ATXN1: variants seen among roughly 807,000 people sequenced by gnomAD.
ATXN1 encodes ataxin-1.
In ATXN1, 8 loss-of-function variants were observed where a neutral mutation model predicts 56.4. The observed-to-expected ratio is 0.14, with a 90% CI of 0.08 to 0.26. The LOEUF (loss-of-function observed/expected upper bound fraction) is 0.26, where lower values mean the gene tolerates loss of function less well. Ranked by LOEUF, ATXN1 falls within the 10% of genes least tolerant of loss-of-function variation. The pLI, the probability that ATXN1 is intolerant of heterozygous loss-of-function variation, is 1.00. For synonymous variants in ATXN1, 514 were observed against 494.6 expected (o/e 1.04, Z -0.52); for missense variants, 987 against 1,106.5 (o/e 0.89, Z 1.53).
chr6:16,449,498 T>C (rs927709169), intron 6 of ATXN1, among the ~76,000 whole-genome samples: 2 of 152,102 alleles, frequency 1.3e-5, no homozygotes, highest in Non-Finnish European at 2.9e-5. Context: ...AGTTTCTTCT[T>C]CTTCTTGTTT....
At chr6:16,557,242 G>A (rs954831282) in intron 4 of ATXN1, among the ~76,000 whole-genome samples, 2 of 150,336 alleles carry the variant, frequency 1.3e-5, no homozygotes, top group South Asian at 2.1e-4. Context: ...CACAAGAATC[G>A]CTTGAACCTG....
At chr6:16,630,409 T>A (rs1021375370) in intron 3 of ATXN1, among the ~76,000 whole-genome samples, 2 of 152,150 alleles carry the variant, frequency 1.3e-5, no homozygotes, top group Non-Finnish European at 2.9e-5. Context: ...AGGGCCTAAG[T>A]GAGTGGATGA....
rs142162538 is a variant in ATXN1 at position 16,458,830 on chromosome 6, C to T, written c.-161+27142G>A. Among the ~76,000 whole-genome samples the T allele has an allele frequency of 6.1e-3, 931 of 152,342 alleles. 10 individuals are homozygous for T. Among genetic ancestry groups the T allele is most frequent in the East Asian group, 0.036 (185 of 5,184 alleles). ...ACTGCCCCAGAGGACAAAGGTTCTC[C>T]GGGCCAGAAGCCCCCAACCAGATGA... On this transcript the variant is annotated intron_variant, in intron 6 of 7. Coordinates refer to ENST00000436367, the MANE Select transcript of ATXN1 (RefSeq NM_001128164.2).
rs543987836 is a variant in ATXN1 at position 16,735,793 on chromosome 6, A to G, written c.-615+17440T>C. ...AGCTGAGATCGTGCCATTGCACTCCAGCCCAGGCAACAGTGCGAGACTCCA... is the reference window on the plus strand; with the variant it reads ...AGCTGAGATCGTGCCATTGCACTCCGGCCCAGGCAACAGTGCGAGACTCCA... On this transcript the variant is annotated intron_variant, in intron 2 of 7. Coordinates refer to ENST00000436367, the MANE Select transcript of ATXN1 (RefSeq NM_001128164.2). Among the ~76,000 whole-genome samples, 66 of 152,342 alleles carry G rather than the reference A, an allele frequency of 4.3e-4. 2 individuals are homozygous for G. In the South Asian group the frequency reaches 0.014, roughly 32 times the overall value.
chr6:16,314,792 G>A (rs183863305), intron 7 of ATXN1, among the ~76,000 whole-genome samples: 46 of 152,098 alleles, frequency 3.0e-4, no homozygotes, highest in African/African-American at 1.0e-3. Context: ...TGTATGTTTA[G>A]TAGAGACGGG....
At chr6:16,319,764 AAAC>A (rs1312614154) in intron 7 of ATXN1, among the ~76,000 whole-genome samples, 2 of 152,232 alleles carry the variant, frequency 1.3e-5, no homozygotes, top group Non-Finnish European at 2.9e-5. Flanking sequence ...TAAATGCTAT[AAAC>A]AACAACAGTC....
Position 16,299,356 on chromosome 6 carries a change from T to G in ATXN1, c.*6973A>C, listed in dbSNP as rs1760024171. On this transcript the variant is annotated 3_prime_UTR_variant, in exon 8 of 8. Coordinates refer to ENST00000436367, the MANE Select transcript of ATXN1 (RefSeq NM_001128164.2). ...CACACCACGATTAGAAAATAGAATATGAATTCTTCCATTTTTTAATATTTG... is the reference window on the plus strand; with the variant it reads ...CACACCACGATTAGAAAATAGAATAGGAATTCTTCCATTTTTTAATATTTG... The G allele has an allele frequency of 6.6e-6, 1 of 152,620 alleles. No homozygotes were observed. The highest frequency in any genetic ancestry group is 1.5e-5 in the Non-Finnish European group (1 of 68,038). The allele number at this position is 152,620 out of a possible 1,614,324, so 9.5% of individuals were successfully genotyped here. A position where few individuals can be genotyped will look rare whatever the true frequency, so the allele number is the denominator to read the frequency against.
intron 5 of ATXN1, among the ~76,000 whole-genome samples, chr6:16,499,165 T>G (rs1321503665): frequency 6.6e-6 from 1 of 152,186 alleles, no homozygotes; most frequent in Non-Finnish European, 1.5e-5. Context: ...CATTTTTAGT[T>G]CATTTTTGTA....
At chr6:16,474,979 T>G (rs769698628) in intron 6 of ATXN1, among the ~76,000 whole-genome samples, 11 of 152,210 alleles carry the variant, frequency 7.2e-5, no homozygotes, top group Non-Finnish European at 1.3e-4. Context: ...TGTTTTTACC[T>G]ATCACCACCT....
rs1258340048 is a variant in ATXN1, at chr6:16,306,742, C to T, written c.2035G>A (p.Gly679Arg). The T allele has an allele frequency of 1.2e-6, 2 of 1,614,062 alleles. No individual in the cohort carries two copies. Among genetic ancestry groups the T allele is most frequent in the Non-Finnish European group, 1.7e-6 (2 of 1,179,978 alleles). The change falls in exon 8 of 8, where the codon GGG (glycine) becomes AGG (arginine). Residue 679 changes from glycine to arginine, a missense_variant. Gly to Arg is a moderately radical substitution (Grantham distance 125). Around this residue, in one of 3 missense-constraint regions of ATXN1, gnomAD observed 196 missense variants for 196.7 expected, o/e 1.00. Coordinates refer to ENST00000436367, the MANE Select transcript of ATXN1 (RefSeq NM_001128164.2). This position sits in a 1 kb window ranked among gnomAD's most constrained non-coding sequence, Gnocchi z 5.2. ...AGGGTAAGCGAGATGCAGACATCCC[C>T]AACTGAGAGTTTGGAACACGGCAAA... ...FDLPCSKLSV[G>R]DVCISLTLKN...
intron 2 of ATXN1, among the ~76,000 whole-genome samples, chr6:16,748,716 C>A (rs191856849): frequency 1.6e-4 from 25 of 152,306 alleles, no homozygotes; most frequent in Admixed American, 3.9e-4. Context: ...CGATCTGCCC[C>A]TGGAGTTGTT....
At chr6:16,736,658 G>A (rs1581406322) in intron 2 of ATXN1, among the ~76,000 whole-genome samples, 2 of 152,170 alleles carry the variant, frequency 1.3e-5, no homozygotes, top group Non-Finnish European at 2.9e-5. Context: ...TCATGTGTCT[G>A]CACGTATATC....
intron 2 of ATXN1, among the ~76,000 whole-genome samples, chr6:16,713,186 T>C (rs925536736): frequency 6.6e-6 from 1 of 151,928 alleles, no homozygotes; most frequent in Non-Finnish European, 1.5e-5. Context: ...AAGGGAAGAG[T>C]TGGAGGGTTT....
At chr6:16,616,681 TA>T (rs1430238969) in intron 3 of ATXN1, among the ~76,000 whole-genome samples, 1 of 146,374 alleles carries the variant, frequency 6.8e-6, no homozygotes, top group African/African-American at 2.5e-5. Flanking sequence ...TATATATTAA[TA>T]ATTATATATA....
At chr6:16,639,558 C>T (rs529320697) in intron 3 of ATXN1, among the ~76,000 whole-genome samples, 44 of 152,326 alleles carry the variant, frequency 2.9e-4, no homozygotes, top group Non-Finnish European at 3.5e-4. Context: ...AGGTGATTCG[C>T]CTGCCTCAGC....
At chr6:16,615,000 A>G (rs1220851604) in intron 3 of ATXN1, 1 of 151,152 alleles carries the variant, frequency 6.6e-6, no homozygotes, top group East Asian at 1.9e-4. Context: ...AAATGCTTTA[A>G]TATTAATTTA....
intron 2 of ATXN1, among the ~76,000 whole-genome samples, chr6:16,734,095 A>T (rs906526240): frequency 4.7e-5 from 7 of 149,596 alleles, no homozygotes; most frequent in African/African-American, 1.7e-4. Flanking sequence ...GACCCCATAT[A>T]AAAAAAAAAT....
At chr6:16,375,308 T>G (rs1405266897) in intron 6 of ATXN1, among the ~76,000 whole-genome samples, 2 of 152,224 alleles carry the variant, frequency 1.3e-5, no homozygotes, top group African/African-American at 4.8e-5. Flanking sequence ...GAAAACTCCT[T>G]TTTTTCAATT....
intron 2 of ATXN1, among the ~76,000 whole-genome samples, chr6:16,689,966 C>T (rs934040362): frequency 3.9e-5 from 6 of 151,980 alleles, no homozygotes; most frequent in African/African-American, 1.4e-4. Context: ...TTTTTGTCTT[C>T]ATTTGGAGTT....
Sources: gnomAD v4.1 joint callset for allele counts (sites outside exome capture counted in the v4.1 genomes callset) on GRCh38, gnomAD v4.1.1 for gene constraint, gnomAD v4.1.1 regional missense constraint, Gnocchi (gnomAD v3.1) non-coding constraint, MANE v1.5 for transcripts, NCBI Gene and HGNC (gene_info 2026-07-23, HGNC 2026-07-21) for gene names.